BTAF1: variants seen among roughly 807,000 people sequenced by gnomAD.
The protein encoded by BTAF1 is B-TFIID TATA-box binding protein associated factor 1.
In BTAF1, 38 loss-of-function variants were observed where a neutral mutation model predicts 227.1. The ratio of observed to expected loss-of-function variants is 0.17; its 90% confidence interval spans 0.13 to 0.22. The LOEUF (loss-of-function observed/expected upper bound fraction) is 0.22. BTAF1 is among the 10% of genes least tolerant of loss of function. BTAF1 has a pLI of 1.00. For missense variants in BTAF1, 1,598 were observed against 2,204.0 expected (o/e 0.73, Z 5.51); for synonymous variants, 742 against 751.9 (o/e 0.99, Z 0.21).
chr10:91,945,153 A>T (rs1845277751), intron 4 of BTAF1, among the ~76,000 whole-genome samples: 1 of 152,076 alleles, frequency 6.6e-6, no homozygotes, highest in African/African-American at 2.4e-5. Flanking sequence ...TGAATCATAC[A>T]ATATGTGGTC....
At chr10:91,951,841 C>A (rs117481879) in intron 5 of BTAF1, among the ~76,000 whole-genome samples, 1 of 151,420 alleles carries the variant, frequency 6.6e-6, no homozygotes, top group African/African-American at 2.4e-5. Flanking sequence ...TGCAATTGCT[C>A]TTTTTTTGGT....
chr10:91,978,912 A>G (rs1847892478), intron 14 of BTAF1, among the ~76,000 whole-genome samples: 1 of 144,156 alleles, frequency 6.9e-6, no homozygotes, highest in African/African-American at 2.6e-5. Context: ...GGTTTGTTGT[A>G]AGATTATTTT....
intron 25 of BTAF1, among the ~76,000 whole-genome samples, chr10:92,002,800 A>G (rs990312903): frequency 3.9e-5 from 6 of 152,208 alleles, no homozygotes; most frequent in Non-Finnish European, 8.8e-5. Flanking sequence ...GTTGAGAGAC[A>G]TCATAGGACA....
intron 4 of BTAF1, among the ~76,000 whole-genome samples, chr10:91,945,822 A>G (rs1363141910): frequency 6.6e-6 from 1 of 152,142 alleles, no homozygotes; most frequent in Non-Finnish European, 1.5e-5. Flanking sequence ...GCTGGATCAG[A>G]TGGTCATTCT....
intron 3 of BTAF1, among the ~76,000 whole-genome samples, chr10:91,941,803 G>A (rs1845020880): frequency 6.6e-6 from 1 of 152,158 alleles, no homozygotes; most frequent in South Asian, 2.1e-4. Flanking sequence ...ATTTTAACAT[G>A]GGAATGCAAT....
intron 37 of BTAF1, among the ~76,000 whole-genome samples, chr10:92,028,233 T>G (rs937468584): frequency 2.0e-5 from 3 of 152,216 alleles, no homozygotes; most frequent in African/African-American, 7.2e-5. Context: ...TGACTTTCAG[T>G]GACCAGAACT....
In BTAF1 at chr10:91,928,767, C is replaced by T. The variant is rs1024593645; in HGVS notation, c.14+4677C>T. ...CAACAGAGCAAGAATCCATCCCCCCCCCCCCCGCCCCCCAAAAAAAGCAAC... is the reference window on the plus strand; with the variant it reads ...CAACAGAGCAAGAATCCATCCCCCCTCCCCCCGCCCCCCAAAAAAAGCAAC... On this transcript the variant is annotated intron_variant, in intron 1 of 37. Transcript: ENST00000265990. Among the ~76,000 whole-genome samples the T allele has an allele frequency of 3.0e-5, 4 of 134,304 alleles. No individual in the cohort carries two copies. In the East Asian group the frequency reaches 9.2e-4, roughly 31 times the overall value. 88.1% of individuals were successfully genotyped at this position (134,304 alleles called of 152,430 possible). A position where few individuals can be genotyped will look rare whatever the true frequency, so the allele number is the denominator to read the frequency against.
Position 91,994,544 on chromosome 10 carries a change from C to G in BTAF1, c.3209C>G (p.Ser1070Cys). ...CAATATATTTTAACAGATGGAAAAT[C>G]CCTCCTGGATAAGGGAGATAGCCCT... ...TIDINNFDGK[S>C]LLDKGDSPAQ... The change falls in exon 23 of 38, where the codon TCC becomes TGC. Residue 1070 changes from serine (S) to cysteine (C), a missense_variant. Ser to Cys is a moderately radical substitution (Grantham distance 112). Around this residue, in one of 10 missense-constraint regions of BTAF1, gnomAD observed 425 missense variants for 491.2 expected, o/e 0.87. Transcript: ENST00000265990. 6.2e-7 allele frequency: 1 copy of G among 1,609,026 alleles called. No homozygotes were observed. Among genetic ancestry groups the G allele is most frequent in the Non-Finnish European group, 8.5e-7 (1 of 1,177,140 alleles).
At chr10:91,935,914 A>G (rs1844578678) in intron 2 of BTAF1, 134 bp downstream of exon 2, 1 of 921,274 alleles carries the variant, frequency 1.1e-6, no homozygotes, top group Non-Finnish European at 1.5e-6. Flanking sequence ...TCTGGTCACA[A>G]GACTTAAACT....
At chr10:91,956,678 A>C (rs1846109436) in intron 7 of BTAF1, 21 bp downstream of exon 7, 1 of 1,602,592 alleles carries the variant, frequency 6.2e-7, no homozygotes, top group Non-Finnish European at 8.5e-7. Context: ...AAGACTCTAA[A>C]GTATCCATTA....
intron 20 of BTAF1, among the ~76,000 whole-genome samples, chr10:91,991,265 A>AATAAATATATATATATATAT (rs1848715874): frequency 5.6e-5 from 5 of 90,090 alleles, no homozygotes. Context: ...TATAAATATA[A>AATAAATATATATATATATAT]ATATAAATAT....
chr10:91,942,717 T>A, intron 4 of BTAF1, 149 bp downstream of exon 4: 1 of 863,428 alleles, frequency 1.2e-6, no homozygotes, highest in Non-Finnish European at 1.7e-6. Context: ...ATGCTATGAA[T>A]GGGAGGTAAC....
At chr10:91,943,428 G>T (rs535374443) in intron 4 of BTAF1, among the ~76,000 whole-genome samples, 1 of 152,240 alleles carries the variant, frequency 6.6e-6, no homozygotes, top group South Asian at 2.1e-4. Context: ...CCTGGAGTGG[G>T]GAAAAAACCT....
intron 14 of BTAF1, among the ~76,000 whole-genome samples, chr10:91,967,959 T>A (rs1436376070): frequency 6.6e-6 from 1 of 152,126 alleles, no homozygotes; most frequent in Non-Finnish European, 1.5e-5. Flanking sequence ...CTTTTATCCC[T>A]CCTACTACCC....
chr10:92,014,660 GTAT>G (rs1564719105), intron 32 of BTAF1, among the ~76,000 whole-genome samples: 1 of 152,144 alleles, frequency 6.6e-6, no homozygotes, highest in Non-Finnish European at 1.5e-5. Context: ...AACATTATAG[GTAT>G]TATTAATCCC....
At chr10:91,965,784 TATAA>T (rs952646828) in intron 13 of BTAF1, among the ~76,000 whole-genome samples, 57 of 152,306 alleles carry the variant, frequency 3.7e-4, no homozygotes, top group East Asian at 1.9e-3. Context: ...GTTAGAATTT[TATAA>T]ATAAATTTGC....
rs1179954585 is a variant in BTAF1 at position 92,012,806 on chromosome 10, T to TA, written c.4312-857dup. Among the ~76,000 whole-genome samples the TA allele has an allele frequency of 5.3e-5, 8 of 150,756 alleles. No homozygotes were observed. The East Asian group carries it at 1.4e-3, about 26-fold the overall frequency. On this transcript the variant is annotated intron_variant, in intron 30 of 37. Transcript: ENST00000265990. ...AAAAAAAAAAGCTTAAAAATATAAT[T>TA]AAAAGGGAAAAAAGCCTCTTTAGGC...
chr10:91,990,689 A>T (rs1190291890), intron 20 of BTAF1, among the ~76,000 whole-genome samples: 2 of 152,134 alleles, frequency 1.3e-5, no homozygotes, highest in Non-Finnish European at 2.9e-5. Context: ...GCTACTCGGG[A>T]GGCTGAGGCA....
Position 91,960,066 on chromosome 10 carries a change from A to G in BTAF1, c.1175A>G (p.Asp392Gly). The G allele has an allele frequency of 6.2e-7, 1 of 1,613,930 alleles. No homozygotes were observed. Among genetic ancestry groups the G allele is most frequent in the East Asian group, 2.2e-5 (1 of 44,856 alleles). ...MNETGVHKTV[D>G]VLLKLLTQEQ... ...GAAACAGGAGTTCATAAGACTGTGG[A>G]TGTGCTGCTAAAATTACTTACACAA... The change falls in exon 11 of 38, where the codon GAT (aspartate) becomes GGT (glycine). Residue 392 changes from aspartate (D) to glycine (G), a missense_variant. Coordinates refer to ENST00000265990, the MANE Select transcript of BTAF1 (RefSeq NM_003972.3).
Sources: allele counts gnomAD v4.1 joint callset (sites outside exome capture counted in the v4.1 genomes callset), GRCh38; gene constraint gnomAD v4.1.1; regional missense constraint gnomAD v4.1.1; transcripts MANE v1.5; gene names NCBI Gene and HGNC (gene_info 2026-07-23, HGNC 2026-07-21).